The following PTPRD variants were observed in gnomAD, a reference collection of about 807,000 sequenced individuals.
PTPRD encodes the protein receptor-type tyrosine-protein phosphatase delta.
Under a neutral mutation model 214.5 loss-of-function variants are expected in PTPRD, and 34 were observed. The ratio of observed to expected loss-of-function variants is 0.16; its 90% CI spans 0.12 to 0.21. The LOEUF (loss-of-function observed/expected upper bound fraction) is 0.21, where lower values mean the gene tolerates loss of function less well. Ranked by LOEUF, PTPRD falls within the 10% of genes least tolerant of loss-of-function variation. The pLI, the probability that PTPRD is intolerant of heterozygous loss-of-function variation, is 1.00. For missense variants in PTPRD, 2,545 were observed against 2,398.7 expected, an observed-to-expected ratio of 1.06 and a Z score of -1.27; for synonymous variants, 1,128 against 845.7, an observed-to-expected ratio of 1.33 and a Z score of -5.79.
chr9:8,597,173 CTG>C (rs1179044358), intron 14 of PTPRD, among the ~76,000 whole-genome samples: 1 of 152,070 alleles, frequency 6.6e-6, no homozygotes, highest in African/African-American at 2.4e-5. Flanking sequence ...GGGAATCTTT[CTG>C]TTTTCCTAGA....
chr9:10,133,532 A>G (rs2098918191), intron 3 of PTPRD, among the ~76,000 whole-genome samples: 1 of 149,966 alleles, frequency 6.7e-6, no homozygotes, highest in South Asian at 2.2e-4. Flanking sequence ...TGCACAAATA[A>G]CATAAATAAC....
At chr9:8,734,640 A>T (rs948216196) in intron 11 of PTPRD, among the ~76,000 whole-genome samples, 4 of 152,236 alleles carry the variant, frequency 2.6e-5, no homozygotes, top group African/African-American at 9.6e-5. Context: ...AAAAAGCCAC[A>T]AACTATTTTT....
At chr9:8,917,433 G>A (rs1010031045) in intron 11 of PTPRD, among the ~76,000 whole-genome samples, 3 of 151,776 alleles carry the variant, frequency 2.0e-5, no homozygotes, top group Non-Finnish European at 2.9e-5. Flanking sequence ...CACCGCGCCC[G>A]GCCTACATAA....
chr9:9,193,829 A>T (rs1286341805), intron 9 of PTPRD, among the ~76,000 whole-genome samples: 1 of 152,070 alleles, frequency 6.6e-6, no homozygotes, highest in Non-Finnish European at 1.5e-5. Flanking sequence ...TAGACTTTAT[A>T]CGCACTGTAA....
chr9:8,619,879 A>G (rs16928221), intron 14 of PTPRD, among the ~76,000 whole-genome samples: 44,093 of 151,886 alleles, frequency 0.29, 6,859 homozygotes, highest in African/African-American at 0.4. Context: ...ATTAAAGGGC[A>G]ATATATGAAG....
rs192585322 is a variant in PTPRD, at chr9:8,420,666, C to T, written c.4086+15926G>A. On this transcript the variant is annotated intron_variant, in intron 35 of 45. Transcript: ENST00000381196. ...TGTTCTTTTCATGCAAATATTTTTA[C>T]AATACAACTGTGGAGAGATAAATAC... 1.2e-3 allele frequency among the ~76,000 whole-genome samples: 188 copies of T among 152,158 alleles called. 1 individual carries two copies. Among genetic ancestry groups the T allele is most frequent in the African/African-American group, 4.4e-3 (183 of 41,510 alleles).
At chr9:9,902,411 T>G (rs1034125761) in intron 5 of PTPRD, among the ~76,000 whole-genome samples, 1 of 152,134 alleles carries the variant, frequency 6.6e-6, no homozygotes, top group Non-Finnish European at 1.5e-5. Flanking sequence ...TTTCTTTTTC[T>G]GCCGGTGCTC....
At chr9:9,360,388 G>A (rs2055625911) in intron 9 of PTPRD, among the ~76,000 whole-genome samples, 1 of 151,168 alleles carries the variant, frequency 6.6e-6, no homozygotes, top group Non-Finnish European at 1.5e-5. Context: ...CTTAGACTTA[G>A]GCAAGTAAAA....
intron 2 of PTPRD, among the ~76,000 whole-genome samples, chr9:10,445,507 G>T (rs1364802760): frequency 6.6e-6 from 1 of 152,026 alleles, no homozygotes; most frequent in Non-Finnish European, 1.5e-5. Context: ...GGAAAGAAAG[G>T]AATACATTTG....
rs141257889 is a variant in PTPRD at position 9,908,977 on chromosome 9, G to C, written c.-368+29530C>G. ...ATCTGAAACTATTATATAGCAAGTG[G>C]TTTAAAATTGACATGATCATATATT... is the stretch of plus-strand genomic sequence containing the variant. On this transcript the variant is annotated intron_variant, in intron 5 of 45. Coordinates refer to ENST00000381196, the MANE Select transcript of PTPRD (RefSeq NM_002839.4). 5.9e-3 allele frequency among the ~76,000 whole-genome samples: 888 copies of C among 151,664 alleles called. 9 individuals carry two copies. Among genetic ancestry groups the C allele is most frequent in the African/African-American group, 0.02 (844 of 41,418 alleles).
intron 8 of PTPRD, among the ~76,000 whole-genome samples, chr9:9,398,489 T>C (rs770090947): frequency 1.3e-5 from 2 of 151,976 alleles, no homozygotes; most frequent in African/African-American, 2.4e-5. Flanking sequence ...TTTTCCATAT[T>C]TTGTCAATCA....
chr9:8,381,327 GA>G (rs946373625), intron 37 of PTPRD, among the ~76,000 whole-genome samples: 1 of 152,130 alleles, frequency 6.6e-6, no homozygotes, highest in Non-Finnish European at 1.5e-5. Context: ...TTAGTGGGCA[GA>G]AAAAATAAAT....
chr9:9,908,810 A>G (rs1371163633), intron 5 of PTPRD, among the ~76,000 whole-genome samples: 1 of 152,018 alleles, frequency 6.6e-6, no homozygotes, highest in East Asian at 1.9e-4. Context: ...TTTTGAAAAT[A>G]GGCACTCATA....
At position 9,549,283 on chromosome 9, in the gene PTPRD, C is replaced by T. The variant is rs1217018590; in HGVS notation, c.-237+25449G>A. On this transcript the variant is annotated intron_variant, in intron 8 of 45. Coordinates refer to ENST00000381196, the MANE Select transcript of PTPRD (RefSeq NM_002839.4). Reference sequence around the variant, plus strand: ...TGTATATATTACACACACAGACACACACGACAAAGGACTTGTTTCCAGAAT... The same window carrying T: ...TGTATATATTACACACACAGACACATACGACAAAGGACTTGTTTCCAGAAT... Among the ~76,000 whole-genome samples the T allele has an allele frequency of 2.6e-5, 4 of 152,166 alleles. No individual in the cohort carries two copies. The East Asian group carries it at 7.7e-4, about 29-fold the overall frequency.
intron 3 of PTPRD, among the ~76,000 whole-genome samples, chr9:10,087,628 A>C (rs2098367443): frequency 6.6e-6 from 1 of 151,762 alleles, no homozygotes; most frequent in Middle Eastern, 3.4e-3. Flanking sequence ...TCTCCAAAAC[A>C]TCCCTTCACA....
chr9:10,248,771 A>C (rs1376537466), intron 3 of PTPRD, among the ~76,000 whole-genome samples: 2 of 152,068 alleles, frequency 1.3e-5, no homozygotes, highest in Non-Finnish European at 2.9e-5. Flanking sequence ...AATTGTTTGG[A>C]AGAGTTTGGG....
rs181780214 is a variant in PTPRD at position 10,246,243 on chromosome 9, T to A, written c.-545+94720A>T. On this transcript the variant is annotated intron_variant, in intron 3 of 45. Transcript: ENST00000381196. Reference sequence around the variant, plus strand: ...ATTAGTACCAACTCGATTGGCTATTTTTGTTTTGTTTTGTTTTGAGATGGA... The same window carrying A: ...ATTAGTACCAACTCGATTGGCTATTATTGTTTTGTTTTGTTTTGAGATGGA... 9.7e-4 allele frequency among the ~76,000 whole-genome samples: 147 copies of A among 152,174 alleles called. 1 individual carries two copies. The highest frequency in any genetic ancestry group is 1.5e-3 in the Non-Finnish European group (102 of 68,012).
chr9:8,330,859 A>AAAAAGATTAGATG (rs1839841808), intron 44 of PTPRD, among the ~76,000 whole-genome samples: 1 of 151,976 alleles, frequency 6.6e-6, no homozygotes, highest in Non-Finnish European at 1.5e-5. Flanking sequence ...GTTTCACCAT[A>AAAAAGATTAGATG]AAAAGATTAG....
chr9:8,694,870 G>C (rs1455462173), intron 12 of PTPRD, among the ~76,000 whole-genome samples: 1 of 152,176 alleles, frequency 6.6e-6, no homozygotes, highest in South Asian at 2.1e-4. Flanking sequence ...GCTTGGAACT[G>C]TAAGCACTGC....
Sources: allele counts gnomAD v4.1 joint callset (sites outside exome capture counted in the v4.1 genomes callset), GRCh38; gene constraint gnomAD v4.1.1; transcripts MANE v1.5; gene names NCBI Gene and HGNC (gene_info 2026-07-23, HGNC 2026-07-21).